The following KCNAB1 variants were observed in gnomAD, a reference collection of about 807,000 sequenced individuals.
KCNAB1 encodes potassium voltage-gated channel subfamily A regulatory beta subunit 1, also known as voltage-gated potassium channel subunit beta-1.
Under a neutral mutation model 64.6 loss-of-function variants are expected in KCNAB1, and 35 were observed. The ratio of observed to expected loss-of-function variants is 0.54; its 90% confidence interval spans 0.41 to 0.72. The LOEUF (loss-of-function observed/expected upper bound fraction) is 0.72. KCNAB1 is among the 30% of genes least tolerant of loss of function. The probability of loss-of-function intolerance (pLI) is 0.00; values close to 1 mark genes in which losing one functional copy is unlikely to be tolerated. For synonymous variants in KCNAB1, 177 were observed against 183.8 expected (o/e 0.96, Z 0.30); for missense variants, 401 against 512.9 (o/e 0.78, Z 2.11).
intron 7 of KCNAB1, among the ~76,000 whole-genome samples, chr3:156,472,045 A>C (rs76066511): frequency 0.011 from 1,621 of 152,304 alleles, 15 homozygotes; most frequent in South Asian, 0.03. Context: ...TGGTCCATCC[A>C]GCTGCCAAGA....
At chr3:156,427,116 C>A (rs1715873281) in intron 2 of KCNAB1, among the ~76,000 whole-genome samples, 1 of 152,024 alleles carries the variant, frequency 6.6e-6, no homozygotes, top group South Asian at 2.1e-4. Flanking sequence ...GGAGGTCTTC[C>A]TGAGTGCAGG....
intron 1 of KCNAB1, among the ~76,000 whole-genome samples, chr3:156,216,651 G>A (rs1388185373): frequency 6.6e-6 from 1 of 152,206 alleles, no homozygotes; most frequent in African/African-American, 2.4e-5. Context: ...AAGATAGGGT[G>A]GGATGGGGGC....
intron 1 of KCNAB1, among the ~76,000 whole-genome samples, chr3:156,252,498 A>G (rs1717888112): frequency 6.6e-6 from 1 of 152,208 alleles, no homozygotes. Flanking sequence ...CTATTTCAAG[A>G]AGCTGATATC....
rs560760451 is a variant in KCNAB1 at position 156,419,785 on chromosome 3, A to G, written c.276-1831A>G. On this transcript the variant is annotated intron_variant, in intron 1 of 13. Coordinates refer to ENST00000490337, the MANE Select transcript of KCNAB1 (RefSeq NM_172160.3). ...TTGGTTTTTCTGTGTCCCTCAGTGG[A>G]CTCTAAGCTCCTTGAGGGTACAGGA... Among the ~76,000 whole-genome samples the G allele has an allele frequency of 3.2e-4, 48 of 152,218 alleles. No individual in the cohort carries two copies. In the Middle Eastern group the frequency reaches 0.01, roughly 32 times the overall value.
intron 1 of KCNAB1, among the ~76,000 whole-genome samples, chr3:156,234,460 T>G (rs1442256253): frequency 3.3e-5 from 5 of 152,004 alleles, no homozygotes; most frequent in Admixed American, 1.3e-4. Context: ...TCCATAGGAA[T>G]AGGTGAAAGG....
At chr3:156,444,598 C>T (rs1717263701) in intron 2 of KCNAB1, among the ~76,000 whole-genome samples, 1 of 152,184 alleles carries the variant, frequency 6.6e-6, no homozygotes, top group African/African-American at 2.4e-5. Flanking sequence ...CTAGGCCTCA[C>T]CAGCAAGAGG....
intron 1 of KCNAB1, among the ~76,000 whole-genome samples, chr3:156,164,970 A>C (rs1371805775): frequency 6.6e-6 from 1 of 152,194 alleles, no homozygotes; most frequent in African/African-American, 2.4e-5. Context: ...TTTGATGTTG[A>C]AAGAAGATCC....
chr3:156,165,858 C>T (rs1711534604), intron 1 of KCNAB1, among the ~76,000 whole-genome samples: 1 of 152,122 alleles, frequency 6.6e-6, no homozygotes, highest in Non-Finnish European at 1.5e-5. Flanking sequence ...TTTGAATCTC[C>T]TTGAATTGGG....
intron 1 of KCNAB1, among the ~76,000 whole-genome samples, chr3:156,131,667 T>C (rs1046234928): frequency 2.0e-5 from 3 of 152,184 alleles, no homozygotes; most frequent in African/African-American, 7.2e-5. Flanking sequence ...TCCTAGCTAC[T>C]CAGGAAGCAG....
intron 2 of KCNAB1, among the ~76,000 whole-genome samples, chr3:156,438,756 C>A (rs1179959040): frequency 6.6e-6 from 1 of 152,162 alleles, no homozygotes; most frequent in African/African-American, 2.4e-5. Context: ...TGGCTCACAC[C>A]TGTAATCCCA....
chr3:156,135,420 A>G (rs1026226953), intron 1 of KCNAB1, among the ~76,000 whole-genome samples: 3 of 152,222 alleles, frequency 2.0e-5, no homozygotes, highest in African/African-American at 4.8e-5. Flanking sequence ...CACTAAGCCC[A>G]TGCTCCTGGA....
intron 1 of KCNAB1, among the ~76,000 whole-genome samples, chr3:156,325,764 GC>G (rs759848175): frequency 3.3e-5 from 5 of 151,756 alleles, no homozygotes; most frequent in Non-Finnish European, 5.9e-5. Flanking sequence ...ACCTGCCTGG[GC>G]AATATAGCAA....
At chr3:156,417,897 T>A (rs1715192927) in intron 1 of KCNAB1, among the ~76,000 whole-genome samples, 1 of 152,228 alleles carries the variant, frequency 6.6e-6, no homozygotes, top group African/African-American at 2.4e-5. Context: ...AGAAGCTATA[T>A]CCCTTCTCCA....
At chr3:156,251,842 A>G (rs749842812) in intron 1 of KCNAB1, among the ~76,000 whole-genome samples, 1 of 152,196 alleles carries the variant, frequency 6.6e-6, no homozygotes, top group Non-Finnish European at 1.5e-5. Flanking sequence ...AAACCTGTCT[A>G]TAAAGATTTA....
chr3:156,147,982 C>CAA (rs1201353957), intron 1 of KCNAB1, among the ~76,000 whole-genome samples: 14 of 152,068 alleles, frequency 9.2e-5, no homozygotes, highest in African/African-American at 3.4e-4. Context: ...CACACACAAA[C>CAA]ACACACCGCA....
chr3:156,465,789 A>T (rs559281436), intron 7 of KCNAB1, 103 bp downstream of exon 7: 1 of 942,952 alleles, frequency 1.1e-6, no homozygotes, highest in African/African-American at 1.6e-5. Flanking sequence ...AAAAAGTTCT[A>T]TATGAAAAGT....
intron 1 of KCNAB1, among the ~76,000 whole-genome samples, chr3:156,367,982 T>C (rs1421736421): frequency 2.0e-5 from 3 of 152,238 alleles, no homozygotes; most frequent in African/African-American, 7.2e-5. Context: ...TGTTTGTATA[T>C]ATGTTTGATT....
At chr3:156,307,332 A>C (rs912838207) in intron 1 of KCNAB1, among the ~76,000 whole-genome samples, 7 of 150,944 alleles carry the variant, frequency 4.6e-5, no homozygotes, top group African/African-American at 1.7e-4. Flanking sequence ...TTTTTATGAA[A>C]ACCAGGAACT....
At chr3:156,380,352 T>C (rs9828203) in intron 1 of KCNAB1, among the ~76,000 whole-genome samples, 16,886 of 152,266 alleles carry the variant, frequency 0.11, 3,088 homozygotes, top group African/African-American at 0.38. Flanking sequence ...ATGACTGATA[T>C]TTACTTTTGA....
Sources: allele counts gnomAD v4.1 joint callset (sites outside exome capture counted in the v4.1 genomes callset), GRCh38; gene constraint gnomAD v4.1.1; transcripts MANE v1.5; gene names NCBI Gene and HGNC (gene_info 2026-07-23, HGNC 2026-07-21).